The following CNTNAP2 variants were observed in gnomAD, a reference collection of about 807,000 sequenced individuals.
CNTNAP2 encodes the protein contactin associated protein 2, also known as contactin-associated protein-like 2.
A neutral mutation model predicts 155.2 loss-of-function variants in CNTNAP2; 98 were observed. The observed-to-expected ratio is 0.63, with a 90% CI of 0.54 to 0.75. The LOEUF is 0.75. Ranked by LOEUF, CNTNAP2 falls within the 30% of genes least tolerant of loss-of-function variation. The probability of loss-of-function intolerance (pLI) is 0.00; values close to 1 mark genes in which losing one functional copy is unlikely to be tolerated. For missense variants in CNTNAP2, 1,727 were observed against 1,688.1 expected, an observed-to-expected ratio of 1.02 and a Z score of -0.40; for synonymous variants, 651 against 631.2, an observed-to-expected ratio of 1.03 and a Z score of -0.47.
Position 147,600,150 on chromosome 7 carries a change from C to A in CNTNAP2, c.1897+37893C>A, listed in dbSNP as rs549406183. On this transcript the variant is annotated intron_variant, in intron 12 of 23. Coordinates refer to ENST00000361727, the MANE Select transcript of CNTNAP2 (RefSeq NM_014141.6). ...CTGGTCATGGGCGTGTTAAATCCTCCTCTTTCATCCACCACTGATCTGTCT... is the reference window on the plus strand; with the variant it reads ...CTGGTCATGGGCGTGTTAAATCCTCATCTTTCATCCACCACTGATCTGTCT... 2.7e-3 allele frequency among the ~76,000 whole-genome samples: 408 copies of A among 152,328 alleles called. 3 individuals carry two copies. The highest frequency in any genetic ancestry group is 3.8e-3 in the Non-Finnish European group (256 of 68,026).
intron 20 of CNTNAP2, among the ~76,000 whole-genome samples, chr7:148,246,152 A>G (rs552332128): frequency 6.6e-6 from 1 of 152,348 alleles, no homozygotes; most frequent in South Asian, 2.1e-4. Flanking sequence ...GGATGTGGTT[A>G]TCAGTCCTCT....
intron 11 of CNTNAP2, among the ~76,000 whole-genome samples, chr7:147,513,360 C>T (rs1045774556): frequency 6.6e-6 from 1 of 151,844 alleles, no homozygotes; most frequent in South Asian, 2.1e-4. Context: ...CCATTGTACC[C>T]CTACAAAATA....
At chr7:147,516,626 G>GCA (rs1375224726) in intron 11 of CNTNAP2, among the ~76,000 whole-genome samples, 4 of 151,830 alleles carry the variant, frequency 2.6e-5, no homozygotes, top group South Asian at 4.2e-4. Context: ...GAATGTGTGT[G>GCA]TGTGTGTGTG....
At chr7:146,727,119 T>C (rs1246936264) in intron 1 of CNTNAP2, among the ~76,000 whole-genome samples, 2 of 152,166 alleles carry the variant, frequency 1.3e-5, no homozygotes, top group East Asian at 1.9e-4. Context: ...AGGAAACATA[T>C]GGTCCTATAA....
chr7:146,983,518 C>T (rs548533284), intron 3 of CNTNAP2, among the ~76,000 whole-genome samples: 5 of 152,230 alleles, frequency 3.3e-5, no homozygotes, highest in African/African-American at 9.6e-5. Context: ...CCTCCCTTGC[C>T]CCATCGCTAC....
intron 14 of CNTNAP2, among the ~76,000 whole-genome samples, chr7:147,946,653 CGCTGAAGTCAA>C (rs1231765572): frequency 1.3e-5 from 2 of 151,856 alleles, no homozygotes; most frequent in Non-Finnish European, 2.9e-5. Flanking sequence ...GAGAAATAGT[CGCTGAAGTCAA>C]GCAGAAGAGT....
intron 8 of CNTNAP2, among the ~76,000 whole-genome samples, chr7:147,261,298 A>G (rs1041076870): frequency 6.6e-6 from 1 of 152,168 alleles, no homozygotes; most frequent in African/African-American, 2.4e-5. Context: ...ATGTGCAGCT[A>G]CATTTTGGGA....
At chr7:147,837,580 A>G (rs1250756022) in intron 13 of CNTNAP2, among the ~76,000 whole-genome samples, 1 of 152,178 alleles carries the variant, frequency 6.6e-6, no homozygotes, top group Non-Finnish European at 1.5e-5. Flanking sequence ...TCCACAGTCC[A>G]AAGTCTTATC....
chr7:146,854,182 G>A (rs926295642), intron 3 of CNTNAP2, among the ~76,000 whole-genome samples: 7 of 152,158 alleles, frequency 4.6e-5, no homozygotes, highest in Non-Finnish European at 1.0e-4. Context: ...ATGGATGTGT[G>A]GCAATCTCCA....
intron 4 of CNTNAP2, among the ~76,000 whole-genome samples, chr7:147,058,830 C>T (rs1048052098): frequency 6.6e-6 from 1 of 152,214 alleles, no homozygotes; most frequent in East Asian, 1.9e-4. Context: ...TGGTTTTGAG[C>T]TCCTGACCTC....
chr7:147,112,684 G>T (rs1439134007), intron 5 of CNTNAP2, among the ~76,000 whole-genome samples: 1 of 152,108 alleles, frequency 6.6e-6, no homozygotes, highest in Non-Finnish European at 1.5e-5. Context: ...ATTGATATGT[G>T]TATGTTGAAC....
intron 11 of CNTNAP2, among the ~76,000 whole-genome samples, chr7:147,498,957 A>T (rs7778685): frequency 0.29 from 43,606 of 151,982 alleles, 6,378 homozygotes; most frequent in East Asian, 0.43. Flanking sequence ...TAAAAAAAAA[A>T]TTAATCTGTG....
At chr7:146,296,206 A>G (rs1800512366) in intron 1 of CNTNAP2, among the ~76,000 whole-genome samples, 1 of 152,100 alleles carries the variant, frequency 6.6e-6, no homozygotes, top group Non-Finnish European at 1.5e-5. Flanking sequence ...AGCCAGTTTG[A>G]AGACACTCAC....
chr7:147,614,261 A>G (rs11975946), intron 12 of CNTNAP2, among the ~76,000 whole-genome samples: 60,847 of 151,862 alleles, frequency 0.4, 12,231 homozygotes, highest in Admixed American at 0.44. Context: ...ACACACACAA[A>G]TTATTGGGAT....
chr7:148,075,159 A>G (rs1803460848), intron 15 of CNTNAP2, among the ~76,000 whole-genome samples: 1 of 152,200 alleles, frequency 6.6e-6, no homozygotes, highest in Non-Finnish European at 1.5e-5. Flanking sequence ...AAATTAGGTC[A>G]GGTGTGGTGG....
chr7:147,097,454 C>G (rs2129276245), intron 4 of CNTNAP2: 1 of 152,316 alleles, frequency 6.6e-6, no homozygotes, highest in African/African-American at 2.4e-5. Flanking sequence ...CTAGGGAGGC[C>G]TCACCATCAT....
rs114169494 is a variant in CNTNAP2, at chr7:147,490,854, G to A, written c.1777+4813G>A. Among the ~76,000 whole-genome samples, 447 of 152,260 alleles carry A rather than the reference G, an allele frequency of 2.9e-3. 1 individual carries two copies. The highest frequency in any genetic ancestry group is 0.01 in the African/African-American group (428 of 41,548). On this transcript the variant is annotated intron_variant, in intron 11 of 23. Coordinates refer to ENST00000361727, the MANE Select transcript of CNTNAP2 (RefSeq NM_014141.6). Reference sequence around the variant, plus strand: ...TTACCATCATGGTGGAAGGCGAAGGGGAAGCAAGGCCCTTCTTGACATGGT... The same window carrying A: ...TTACCATCATGGTGGAAGGCGAAGGAGAAGCAAGGCCCTTCTTGACATGGT...
intron 11 of CNTNAP2, among the ~76,000 whole-genome samples, chr7:147,507,889 T>G (rs949997918): frequency 2.0e-5 from 3 of 152,116 alleles, no homozygotes; most frequent in Non-Finnish European, 4.4e-5. Context: ...TTGTTTTCTG[T>G]AACTCAGCAG....
intron 13 of CNTNAP2, among the ~76,000 whole-genome samples, chr7:147,876,633 T>C (rs1365997476): frequency 2.9e-5 from 1 of 34,158 alleles, no homozygotes; most frequent in Non-Finnish European, 6.0e-5. Context: ...CCCTCCACAT[T>C]TTTTTTTAAA....
Sources: allele counts gnomAD v4.1 joint callset (sites outside exome capture counted in the v4.1 genomes callset), GRCh38; gene constraint gnomAD v4.1.1; transcripts MANE v1.5; gene names NCBI Gene and HGNC (gene_info 2026-07-23, HGNC 2026-07-21).